ZDHHC2: variants seen among roughly 807,000 people sequenced by gnomAD.
ZDHHC2 encodes the protein palmitoyltransferase ZDHHC2.
In ZDHHC2, 51 loss-of-function variants were observed where a neutral mutation model predicts 55.6. The ratio of observed to expected loss-of-function variants is 0.92; its 90% CI spans 0.73 to 1.16. ZDHHC2 has a LOEUF of 1.16. Ranked by LOEUF, ZDHHC2 falls within the 50% of genes most tolerant of loss-of-function variation. The pLI is 0.00. For missense variants in ZDHHC2, 491 were observed against 442.4 expected (o/e 1.11, Z -0.99); for synonymous variants, 199 against 152.9 (o/e 1.30, Z -2.22).
In ZDHHC2 at chr8:17,208,095, G is replaced by A; in HGVS notation, c.730+3G>A. ...CAGCAAAAATAAATCTACATTAGGTGAGTATCCAATTATTGTAGTTGACAG... is the reference window on the plus strand; with the variant it reads ...CAGCAAAAATAAATCTACATTAGGTAAGTATCCAATTATTGTAGTTGACAG... On this transcript the variant is annotated splice_donor_region_variant and intron_variant, in intron 8 of 12. Coordinates refer to ENST00000262096, the MANE Select transcript of ZDHHC2 (RefSeq NM_016353.5). 1 of 1,559,548 alleles carries A rather than the reference G, an allele frequency of 6.4e-7. No individual in the cohort carries two copies. Among genetic ancestry groups the A allele is most frequent in the Non-Finnish European group, 8.7e-7 (1 of 1,150,388 alleles).
At chr8:17,169,134 A>G (rs952991726) in intron 1 of ZDHHC2, among the ~76,000 whole-genome samples, 1 of 152,096 alleles carries the variant, frequency 6.6e-6, no homozygotes, top group Non-Finnish European at 1.5e-5. Context: ...TTTTTGATGC[A>G]GGTGTCACCC....
chr8:17,199,108 G>C (rs1188110212), intron 6 of ZDHHC2, among the ~76,000 whole-genome samples: 1 of 152,162 alleles, frequency 6.6e-6, no homozygotes, highest in Non-Finnish European at 1.5e-5. Flanking sequence ...CTTTCTTTCA[G>C]GGATGGCTCT....
chr8:17,185,697 G>C (rs1054153734), intron 2 of ZDHHC2, among the ~76,000 whole-genome samples: 1 of 152,010 alleles, frequency 6.6e-6, no homozygotes, highest in African/African-American at 2.4e-5. Flanking sequence ...ATTTTGGATA[G>C]TATTTCAAGA....
chr8:17,203,750 G>C (rs1806937560), intron 6 of ZDHHC2, among the ~76,000 whole-genome samples: 1 of 151,718 alleles, frequency 6.6e-6, no homozygotes, highest in Non-Finnish European at 1.5e-5. Flanking sequence ...AACCTCTAGA[G>C]ATGCAGATGT....
chr8:17,176,328 C>A (rs914036162), intron 1 of ZDHHC2, among the ~76,000 whole-genome samples: 4 of 151,982 alleles, frequency 2.6e-5, no homozygotes, highest in East Asian at 1.9e-4. Flanking sequence ...TTTGCACCAT[C>A]GAAGACTTAT....
At chr8:17,199,521 GTCT>G (rs574618918) in intron 6 of ZDHHC2, among the ~76,000 whole-genome samples, 1 of 35,622 alleles carries the variant, frequency 2.8e-5, no homozygotes, top group East Asian at 6.1e-4. Flanking sequence ...CTTCGTCTTC[GTCT>G]TCGTCTTCTG....
In ZDHHC2 at chr8:17,199,600, T is replaced by TCC. The variant is rs1230744284; in HGVS notation, c.476+1187_476+1188insCC. On this transcript the variant is annotated intron_variant, in intron 6 of 12. Transcript: ENST00000262096. ...TCTTCTTCTTCTTCTTTCTTCTTCT[T>TCC]TATTCTTTCTTCTTCTTCTTCTTCC... 1.7e-3 allele frequency among the ~76,000 whole-genome samples: 73 copies of TCC among 42,202 alleles called. 3 individuals carry two copies. Among genetic ancestry groups the TCC allele is most frequent in the Middle Eastern group, 0.019 (1 of 54 alleles). 27.7% of individuals were successfully genotyped at this position (42,202 alleles called of 152,430 possible). A position where few individuals can be genotyped will look rare whatever the true frequency, so the allele number is the denominator to read the frequency against.
At chr8:17,196,600 A>T (rs1806324306) in intron 4 of ZDHHC2, among the ~76,000 whole-genome samples, 1 of 151,642 alleles carries the variant, frequency 6.6e-6, no homozygotes, top group Non-Finnish European at 1.5e-5. Flanking sequence ...AAAAACAGGA[A>T]AAACTCATTA....
At position 17,223,697 on chromosome 8, in the gene ZDHHC2, A is replaced by T. The variant is rs1195882761; in HGVS notation, c.*3476A>T. ...ATGATCTTGTAACGCCATGAAAAGC[A>T]TTAAGTAGAAGCCAACATTAACCTA... On this transcript the variant is annotated 3_prime_UTR_variant, in exon 13 of 13. Coordinates refer to ENST00000262096, the MANE Select transcript of ZDHHC2 (RefSeq NM_016353.5). 2 of 151,870 alleles carry T rather than the reference A, an allele frequency of 1.3e-5. No homozygotes were observed. Among genetic ancestry groups the T allele is most frequent in the Non-Finnish European group, 3.0e-5 (2 of 67,778 alleles). The allele number at this position is 151,870 out of a possible 1,614,324, so 9.4% of individuals were successfully genotyped here. A position where few individuals can be genotyped will look rare whatever the true frequency, so the allele number is the denominator to read the frequency against.
intron 12 of ZDHHC2, among the ~76,000 whole-genome samples, chr8:17,217,654 C>T (rs1304440986): frequency 1.3e-5 from 2 of 152,122 alleles, no homozygotes; most frequent in Non-Finnish European, 2.9e-5. Context: ...AACTCTAAGT[C>T]GAAGTGCAAT....
At chr8:17,165,436 C>A (rs991664059) in intron 1 of ZDHHC2, among the ~76,000 whole-genome samples, 8 of 152,102 alleles carry the variant, frequency 5.3e-5, no homozygotes, top group Admixed American at 3.9e-4. Context: ...CAACTTACTC[C>A]AGGACTAATA....
intron 3 of ZDHHC2, among the ~76,000 whole-genome samples, chr8:17,187,498 A>C (rs1212537223): frequency 6.6e-6 from 1 of 152,134 alleles, no homozygotes; most frequent in Non-Finnish European, 1.5e-5. Context: ...TAAATATGCT[A>C]TTTGGCTTGG....
chr8:17,182,243 T>C (rs895016921), intron 1 of ZDHHC2, among the ~76,000 whole-genome samples: 2 of 152,180 alleles, frequency 1.3e-5, no homozygotes, highest in Non-Finnish European at 1.5e-5. Context: ...ATAACAGATA[T>C]GAGATTTCTG....
chr8:17,218,581 C>T (rs887005657), intron 12 of ZDHHC2, among the ~76,000 whole-genome samples: 2 of 152,020 alleles, frequency 1.3e-5, no homozygotes, highest in African/African-American at 4.8e-5. Context: ...ACACCTTGCA[C>T]AATGCCAGAC....
rs1029988565 is a variant in ZDHHC2, at chr8:17,159,615, A to G, written c.130+2762A>G. ...TCTAGGCACTTTTTCAGTTAGCATAATTTTTGCTTAGTGTTTGTATTTTAT... is the reference window on the plus strand; with the variant it reads ...TCTAGGCACTTTTTCAGTTAGCATAGTTTTTGCTTAGTGTTTGTATTTTAT... On this transcript the variant is annotated intron_variant, in intron 1 of 12. Transcript: ENST00000262096. Among the ~76,000 whole-genome samples, 4 of 152,212 alleles carry G rather than the reference A, an allele frequency of 2.6e-5. No individual in the cohort carries two copies. In the South Asian group the frequency reaches 6.2e-4, roughly 24 times the overall value.
chr8:17,192,010 G>T (rs947376268), intron 3 of ZDHHC2, among the ~76,000 whole-genome samples: 1 of 152,100 alleles, frequency 6.6e-6, no homozygotes. Context: ...TTGAGGTAAG[G>T]TCTTGCTCTG....
intron 3 of ZDHHC2, among the ~76,000 whole-genome samples, chr8:17,191,575 T>G (rs1317907853): frequency 1.3e-5 from 2 of 152,230 alleles, no homozygotes; most frequent in African/African-American, 4.8e-5. Context: ...AGTTTGTCTT[T>G]CTCTGCCTTG....
chr8:17,198,094 A>C (rs1034636900), intron 5 of ZDHHC2, among the ~76,000 whole-genome samples: 2 of 152,144 alleles, frequency 1.3e-5, no homozygotes, highest in Non-Finnish European at 2.9e-5. Context: ...TTCTTTCTTT[A>C]GCCTAAGATA....
intron 1 of ZDHHC2, among the ~76,000 whole-genome samples, chr8:17,177,752 T>TTGTGTGTGTG (rs10570051): frequency 6.7e-6 from 1 of 148,716 alleles, no homozygotes; most frequent in Non-Finnish European, 1.5e-5. Flanking sequence ...TTTGGGGTGT[T>TTGTGTGTGTG]TGTGTGTGTG....
Sources: gnomAD v4.1 joint callset for allele counts (sites outside exome capture counted in the v4.1 genomes callset) on GRCh38, gnomAD v4.1.1 for gene constraint, MANE v1.5 for transcripts, NCBI Gene and HGNC (gene_info 2026-07-23, HGNC 2026-07-21) for gene names.